Variants in TRIM29 observed in about 807,000 individuals in gnomAD.
TRIM29 encodes the protein tripartite motif containing 29, also known as tripartite motif-containing protein 29.
A neutral mutation model predicts 57.3 loss-of-function variants in TRIM29; 52 were observed. The ratio of observed to expected loss-of-function variants is 0.91; its 90% confidence interval spans 0.73 to 1.14. The LOEUF is 1.14. TRIM29 is among the 50% of genes most tolerant of loss of function. The pLI is 0.00. For synonymous variants in TRIM29, 319 were observed against 316.9 expected (o/e 1.01, Z -0.07); for missense variants, 753 against 774.6 (o/e 0.97, Z 0.33).
chr11:120,125,841 T>A lies in TRIM29; in HGVS notation c.1183A>T (p.Thr395Ser). ...SNYSLPPPLP[T>S]YHVLLEGEGL... ...TCCCCCTCCAGCAGGACATGATAGGTGGGCAGGGGTGGGGGGAGAGAGTAA... is the reference window on the plus strand; with the variant it reads ...TCCCCCTCCAGCAGGACATGATAGGAGGGCAGGGGTGGGGGGAGAGAGTAA... The change falls in exon 4 of 9, where the codon ACC becomes TCC. Residue 395 changes from threonine (T) to serine (S), a missense_variant. Physicochemically the swap from Thr to Ser is moderately conservative, Grantham distance 58. Transcript: ENST00000341846. 1 of 1,614,014 alleles carries A rather than the reference T, an allele frequency of 6.2e-7. No individual in the cohort carries two copies. Among genetic ancestry groups the A allele is most frequent in the South Asian group, 1.1e-5 (1 of 91,068 alleles).
rs770761729 is a variant in TRIM29, at chr11:120,127,418, T to A, written c.1052A>T (p.Asp351Val). 6.2e-7 allele frequency: 1 copy of A among 1,614,048 alleles called. No homozygotes were observed. The highest frequency in any genetic ancestry group is 1.7e-5 in the Admixed American group (1 of 60,008). Reference protein sequence around the residue: ...DQVKVIMDALDERAKVLHEDK... With the variant: ...DQVKVIMDALVERAKVLHEDK... The stretch of plus-strand genomic sequence containing the variant: ...CTCATGCAGCACCTTGGCTCTCTCA[T>A]CCAGAGCATCCATGATCACCTTCAC... The change falls in exon 3 of 9, where the codon GAT (aspartate) becomes GTT (valine). Residue 351 changes from aspartate (D) to valine (V), a missense_variant. By Grantham distance (152) the Asp-to-Val change is radical. Transcript: ENST00000341846.
At position 120,138,113 on chromosome 11, in the gene TRIM29, T is replaced by A. The variant is rs975976088; in HGVS notation, c.-82A>T. ...TTCTGGCAGGCGTCTCGGCAGGGAGTGGGGCAGGCAACCACGAGGACTAGA... is the reference window on the plus strand; with the variant it reads ...TTCTGGCAGGCGTCTCGGCAGGGAGAGGGGCAGGCAACCACGAGGACTAGA... On this transcript the variant is annotated 5_prime_UTR_variant, in exon 1 of 9. Coordinates refer to ENST00000341846, the MANE Select transcript of TRIM29 (RefSeq NM_012101.4). 1.5e-6 allele frequency: 2 copies of A among 1,303,736 alleles called. No individual in the cohort carries two copies. The highest frequency in any genetic ancestry group is 2.0e-6 in the Non-Finnish European group (2 of 1,008,968). The allele number at this position is 1,303,736 out of a possible 1,614,324, so 80.8% of individuals were successfully genotyped here.
At chr11:120,125,124 AG>A (rs1189967396) in intron 4 of TRIM29, 1 of 153,616 alleles carries the variant, frequency 6.5e-6, no homozygotes, top group Non-Finnish European at 1.5e-5. Context: ...ACTCAGAAGA[AG>A]AGCTGACTTC....
intron 5 of TRIM29, 21 bp downstream of exon 5, chr11:120,122,933 G>A: frequency 6.2e-7 from 1 of 1,608,526 alleles, no homozygotes; most frequent in Non-Finnish European, 8.5e-7. Context: ...ACTAGGTCTG[G>A]GGTGAGGGGC....
At chr11:120,118,116 C>T (rs1863325623) in intron 7 of TRIM29, 107 bp downstream of exon 7, 4 of 1,059,532 alleles carry the variant, frequency 3.8e-6, no homozygotes, top group African/African-American at 1.6e-5. Flanking sequence ...CCTCTCTCCT[C>T]CACGAGGTGA....
At position 120,128,509 on chromosome 11, in the gene TRIM29, G is replaced by A. The variant is rs1307112535; in HGVS notation, c.805-14C>T. 2 of 1,606,116 alleles carry A rather than the reference G, an allele frequency of 1.2e-6. No homozygotes were observed. Among genetic ancestry groups the A allele is most frequent in the Non-Finnish European group, 8.5e-7 (1 of 1,179,194 alleles). ...TGACAGCTCCGTCTGCAGAGAAAGA[G>A]CCAGGATTGGAGAAGTCAGGGGGAG... is the stretch of plus-strand genomic sequence containing the variant. On this transcript the variant is annotated splice_polypyrimidine_tract_variant and intron_variant, in intron 1 of 8. Coordinates refer to ENST00000341846, the MANE Select transcript of TRIM29 (RefSeq NM_012101.4).
intron 7 of TRIM29, 58 bp from the exon 8 acceptor site, chr11:120,115,472 G>T: frequency 1.3e-6 from 2 of 1,482,942 alleles, no homozygotes; most frequent in Non-Finnish European, 1.9e-6. Context: ...GGGGTGCCCG[G>T]GCCCAGAGCA....
intron 4 of TRIM29, 138 bp downstream of exon 4, chr11:120,125,553 C>G (rs912702120): frequency 3.0e-5 from 23 of 762,388 alleles, no homozygotes; most frequent in Non-Finnish European, 1.7e-5. Context: ...CTAGTCCAAA[C>G]GGCCTGAGGA....
intron 1 of TRIM29, among the ~76,000 whole-genome samples, chr11:120,131,354 TC>T (rs1370233462): frequency 1.3e-5 from 2 of 152,094 alleles, no homozygotes; most frequent in African/African-American, 4.8e-5. Flanking sequence ...CAGGAGTCCA[TC>T]CTGTGTAAGA....
intron 6 of TRIM29, 124 bp from the exon 7 acceptor site, chr11:120,118,445 G>GGGA: frequency 1.5e-6 from 1 of 672,906 alleles, no homozygotes; most frequent in Non-Finnish European, 2.5e-6. Flanking sequence ...GGATGCCACT[G>GGGA]TGTGATCCCA....
At position 120,112,594 on chromosome 11, in the gene TRIM29, G is replaced by A. The variant is rs916925957; in HGVS notation, c.1705-118C>T. 8 of 1,109,156 alleles carry A rather than the reference G, an allele frequency of 7.2e-6. No individual in the cohort carries two copies. In the East Asian group the frequency reaches 2.0e-4, roughly 28 times the overall value. The allele number at this position is 1,109,156 out of a possible 1,614,324, so 68.7% of individuals were successfully genotyped here. A position where few individuals can be genotyped will look rare whatever the true frequency, so the allele number is the denominator to read the frequency against. On this transcript the variant is annotated intron_variant, in intron 8 of 8. Coordinates refer to ENST00000341846, the MANE Select transcript of TRIM29 (RefSeq NM_012101.4). ...AGTGATCCAAGACCCGACAATTCTA[G>A]GGGCCTTTTTGGCCTGATCTGCAAG...
Position 120,137,074 on chromosome 11 carries a change from G to A in TRIM29, c.804+154C>T, listed in dbSNP as rs779873828. Among the ~76,000 whole-genome samples the A allele has an allele frequency of 1.1e-4, 16 of 152,142 alleles. No individual in the cohort carries two copies. The highest frequency in any genetic ancestry group is 2.4e-4 in the Non-Finnish European group (16 of 68,026). ...CCCAGCTGGGATTAGGGGGGACAGGGGGCATGAGGGGAAATAAATGTTTTC... is the reference window on the plus strand; with the variant it reads ...CCCAGCTGGGATTAGGGGGGACAGGAGGCATGAGGGGAAATAAATGTTTTC... On this transcript the variant is annotated intron_variant, in intron 1 of 8. Transcript: ENST00000341846. This position sits in a 1 kb window ranked among gnomAD's most constrained non-coding sequence, Gnocchi z 6.2.
intron 3 of TRIM29, among the ~76,000 whole-genome samples, chr11:120,126,919 A>G (rs922685191): frequency 3.3e-5 from 5 of 152,172 alleles, no homozygotes; most frequent in African/African-American, 1.2e-4. Flanking sequence ...GTAGTATCTA[A>G]AACACTCTAG....
At chr11:120,121,357 C>T (rs1453286523) in intron 5 of TRIM29, 1 of 160,530 alleles carries the variant, frequency 6.2e-6, no homozygotes, top group Non-Finnish European at 1.4e-5. Flanking sequence ...ACTGTCAATC[C>T]CACTGACCTC....
At chr11:120,128,979 G>T (rs930858086) in intron 1 of TRIM29, 1 of 1,259,654 alleles carries the variant, frequency 7.9e-7, no homozygotes, top group Non-Finnish European at 1.0e-6. Context: ...CAGCAGCCAG[G>T]GTTGCCGCCG....
At chr11:120,130,201 A>G (rs987290972) in intron 1 of TRIM29, among the ~76,000 whole-genome samples, 5 of 152,116 alleles carry the variant, frequency 3.3e-5, no homozygotes, top group Admixed American at 1.3e-4. Flanking sequence ...CTGAGCTGTG[A>G]GGAAGAGTCC....
intron 1 of TRIM29, among the ~76,000 whole-genome samples, chr11:120,136,968 C>G: frequency 6.6e-6 from 1 of 152,164 alleles, no homozygotes; most frequent in East Asian, 1.9e-4. Context: ...GGCCCTCAAC[C>G]TTTTCTGAGT....
chr11:120,132,528 A>G lies in TRIM29; in HGVS notation c.805-4033T>C, dbSNP rs756886783. Among the ~76,000 whole-genome samples the G allele has an allele frequency of 3.0e-4, 46 of 152,122 alleles. 1 individual carries two copies. The highest frequency in any genetic ancestry group is 1.2e-4 in the Non-Finnish European group (8 of 68,016). ...CCTTGAAATCCTTCAGCCTTGGGTG[A>G]GCAGAGGTTTTCCCGAGAGCAGATG... On this transcript the variant is annotated intron_variant, in intron 1 of 8. Coordinates refer to ENST00000341846, the MANE Select transcript of TRIM29 (RefSeq NM_012101.4).
intron 7 of TRIM29, chr11:120,115,701 T>A (rs1863250601): frequency 1.1e-5 from 5 of 437,740 alleles, no homozygotes; most frequent in Non-Finnish European, 2.1e-5. Flanking sequence ...CAGCGCAGCA[T>A]CACACTGCTC....
Sources: allele counts gnomAD v4.1 joint callset (sites outside exome capture counted in the v4.1 genomes callset), GRCh38; gene constraint gnomAD v4.1.1; non-coding constraint Gnocchi (gnomAD v3.1); transcripts MANE v1.5; gene names NCBI Gene and HGNC (gene_info 2026-07-23, HGNC 2026-07-21).